The following DLG2 variants were observed in gnomAD, a reference collection of about 807,000 sequenced individuals.
DLG2 encodes disks large homolog 2.
In DLG2, 45 loss-of-function variants were observed where a neutral mutation model predicts 132.5. That is an observed-to-expected ratio of 0.34 (90% CI 0.27 to 0.44). The LOEUF (loss-of-function observed/expected upper bound fraction) is 0.44. Among genes scored for constraint, DLG2 ranks in the 20% least tolerant of loss-of-function variants. The pLI is 1.00. For missense variants in DLG2, 1,045 were observed against 1,196.9 expected, an observed-to-expected ratio of 0.87 and a Z score of 1.87; for synonymous variants, 424 against 419.6, an observed-to-expected ratio of 1.01 and a Z score of -0.13.
chr11:85,169,891 T>A (rs1043763184), intron 4 of DLG2, among the ~76,000 whole-genome samples: 1 of 152,088 alleles, frequency 6.6e-6, no homozygotes, highest in African/African-American at 2.4e-5. Context: ...GTGCTAAGCA[T>A]GTCAAAGAGC....
At chr11:83,849,602 G>C (rs1423964114) in intron 16 of DLG2, among the ~76,000 whole-genome samples, 3 of 152,010 alleles carry the variant, frequency 2.0e-5, no homozygotes, top group African/African-American at 7.2e-5. Context: ...TCTATGGAAG[G>C]TTTGCTGAAG....
At chr11:83,823,963 C>G (rs1240337640) in intron 17 of DLG2, among the ~76,000 whole-genome samples, 1 of 152,126 alleles carries the variant, frequency 6.6e-6, no homozygotes, top group African/African-American at 2.4e-5. Context: ...TGGTGAAGGC[C>G]TGCATCGCAG....
At chr11:84,317,114 C>T (rs768387969) in intron 7 of DLG2, 8 of 1,612,630 alleles carry the variant, frequency 5.0e-6, no homozygotes, top group Non-Finnish European at 6.8e-6. Context: ...CCCCCGGCTG[C>T]AGCTGTGTTG....
chr11:84,796,091 C>G (rs2074562640), intron 6 of DLG2, among the ~76,000 whole-genome samples: 1 of 152,198 alleles, frequency 6.6e-6, no homozygotes, highest in South Asian at 2.1e-4. Context: ...AAAGGTACCA[C>G]TAGTCAAAGA....
rs1163557886 is a variant in DLG2, at chr11:84,048,310, C to CTA, written c.919+11003_919+11004dup. ...TATTTTATTCCAATAGAAGGTTGCA[C>CTA]TATATATATACTCAAGTAAATTTCC... On this transcript the variant is annotated intron_variant, in intron 11 of 27. Coordinates refer to ENST00000376104, the MANE Select transcript of DLG2 (RefSeq NM_001142699.3). 5.3e-5 allele frequency among the ~76,000 whole-genome samples: 8 copies of CTA among 151,452 alleles called. No individual in the cohort carries two copies. The South Asian group carries it at 6.2e-4, about 12-fold the overall frequency.
intron 2 of DLG2, among the ~76,000 whole-genome samples, chr11:85,618,143 C>T (rs946007954): frequency 6.6e-6 from 1 of 152,118 alleles, no homozygotes; most frequent in African/African-American, 2.4e-5. Context: ...ACAGAAGAGA[C>T]TGGATAAAAC....
intron 6 of DLG2, among the ~76,000 whole-genome samples, chr11:84,862,804 C>A (rs1406023914): frequency 1.1e-5 from 1 of 87,416 alleles, no homozygotes; most frequent in East Asian, 3.4e-4. Context: ...GGACATCACA[C>A]ACCAGGTCCT....
chr11:85,308,537 G>A (rs2080112253), intron 3 of DLG2, among the ~76,000 whole-genome samples: 1 of 152,130 alleles, frequency 6.6e-6, no homozygotes, highest in South Asian at 2.1e-4. Flanking sequence ...CTCCTATCCA[G>A]CAACCCCTCT....
chr11:84,856,495 G>C (rs757334271), intron 6 of DLG2, among the ~76,000 whole-genome samples: 18 of 152,132 alleles, frequency 1.2e-4, no homozygotes, highest in Middle Eastern at 3.4e-3. Flanking sequence ...CTACCACTGT[G>C]TTACCCTTCA....
At chr11:84,688,367 T>C (rs1417178632) in intron 6 of DLG2, among the ~76,000 whole-genome samples, 4 of 152,144 alleles carry the variant, frequency 2.6e-5, no homozygotes, top group Non-Finnish European at 4.4e-5. Context: ...AGAAAGTAGA[T>C]CTCAATAAAT....
At chr11:84,357,345 A>T (rs1031113387) in intron 7 of DLG2, among the ~76,000 whole-genome samples, 1 of 152,056 alleles carries the variant, frequency 6.6e-6, no homozygotes, top group African/African-American at 2.4e-5. Flanking sequence ...AAAGGCACAC[A>T]GATGTTTTGA....
chr11:84,097,820 T>C (rs1353784124), intron 10 of DLG2, among the ~76,000 whole-genome samples: 2 of 152,132 alleles, frequency 1.3e-5, no homozygotes, highest in East Asian at 3.9e-4. Flanking sequence ...ATGTTATTCT[T>C]CCTGAAAAAT....
At chr11:85,267,583 A>G (rs1400137641) in intron 4 of DLG2, among the ~76,000 whole-genome samples, 2 of 152,162 alleles carry the variant, frequency 1.3e-5, no homozygotes, top group East Asian at 3.9e-4. Flanking sequence ...ACACAGTAAC[A>G]CCAAAACCAA....
intron 3 of DLG2, among the ~76,000 whole-genome samples, chr11:85,574,256 T>C (rs2078019652): frequency 6.6e-6 from 1 of 152,006 alleles, no homozygotes; most frequent in South Asian, 2.1e-4. Flanking sequence ...CTCTGCCTTT[T>C]CTCCCAAATT....
At chr11:84,718,534 G>A (rs1034252306) in intron 6 of DLG2, among the ~76,000 whole-genome samples, 2 of 152,122 alleles carry the variant, frequency 1.3e-5, no homozygotes, top group Non-Finnish European at 2.9e-5. Flanking sequence ...AACTTGAAGG[G>A]TCGAATGCAT....
chr11:85,240,972 A>G (rs1299086454), intron 4 of DLG2, among the ~76,000 whole-genome samples: 6 of 151,746 alleles, frequency 4.0e-5, no homozygotes, highest in Admixed American at 2.6e-4. Context: ...ATTTTTTATT[A>G]ATGTCATTTT....
At position 85,267,052 on chromosome 11, in the gene DLG2, G is replaced by A. The variant is rs564836439; in HGVS notation, c.186+18168C>T. Among the ~76,000 whole-genome samples the A allele has an allele frequency of 3.9e-5, 6 of 152,262 alleles. No individual in the cohort carries two copies. The South Asian group carries it at 1.2e-3, about 32-fold the overall frequency. ...TACTTTAGGATTTTGCTATGGACTG[G>A]ATGCTTGTATCCCTTCAAAATTCAT... On this transcript the variant is annotated intron_variant, in intron 4 of 27. Coordinates refer to ENST00000376104, the MANE Select transcript of DLG2 (RefSeq NM_001142699.3).
At chr11:84,237,024 G>C (rs891925569) in intron 8 of DLG2, among the ~76,000 whole-genome samples, 1 of 151,788 alleles carries the variant, frequency 6.6e-6, no homozygotes, top group Non-Finnish European at 1.5e-5. Context: ...CGCCTCCCGG[G>C]TTCCAGCGAT....
chr11:85,279,676 C>G (rs1270593293), intron 4 of DLG2, among the ~76,000 whole-genome samples: 2 of 151,494 alleles, frequency 1.3e-5, no homozygotes, highest in Non-Finnish European at 3.0e-5. Context: ...TTTCCACCCA[C>G]TATCTCAGAA....
Sources: gnomAD v4.1 joint callset for allele counts (sites outside exome capture counted in the v4.1 genomes callset) on GRCh38, gnomAD v4.1.1 for gene constraint, MANE v1.5 for transcripts, NCBI Gene and HGNC (gene_info 2026-07-23, HGNC 2026-07-21) for gene names.